Variants in LRP1B observed in about 807,000 individuals in gnomAD.
LRP1B encodes low-density lipoprotein receptor-related protein 1B.
LRP1B carries 217 observed loss-of-function variants against 556.6 expected under a neutral mutation model. The ratio of observed to expected loss-of-function variants is 0.39; its 90% CI spans 0.35 to 0.44. LRP1B has a LOEUF of 0.44. Ranked by LOEUF, LRP1B falls within the 20% of genes least tolerant of loss-of-function variation. The pLI is 1.00. For missense variants in LRP1B, 5,053 were observed against 5,620.8 expected (o/e 0.90, Z 3.23); for synonymous variants, 2,047 against 1,865.8 (o/e 1.10, Z -2.50).
chr2:140,845,296 T>A (rs1692241111), intron 29 of LRP1B, among the ~76,000 whole-genome samples: 1 of 152,152 alleles, frequency 6.6e-6, no homozygotes, highest in African/African-American at 2.4e-5. Flanking sequence ...CAGCTATTAT[T>A]TTATTGAATG....
intron 6 of LRP1B, among the ~76,000 whole-genome samples, chr2:141,220,029 A>G (rs780988204): frequency 2.0e-5 from 3 of 152,136 alleles, no homozygotes; most frequent in African/African-American, 2.4e-5. Flanking sequence ...TTCTCCTCCA[A>G]ATGATCACAA....
chr2:141,999,283 T>C (rs1702590993), intron 1 of LRP1B, among the ~76,000 whole-genome samples: 1 of 152,134 alleles, frequency 6.6e-6, no homozygotes, highest in Admixed American at 6.6e-5. Context: ...TTTGGGTTCA[T>C]TTTGGAATGC....
intron 41 of LRP1B, among the ~76,000 whole-genome samples, chr2:140,675,639 TG>T (rs1262541472): frequency 1.3e-5 from 2 of 152,066 alleles, no homozygotes; most frequent in Non-Finnish European, 2.9e-5. Context: ...AATAGCTGAT[TG>T]TGGTGGTGCT....
intron 45 of LRP1B, among the ~76,000 whole-genome samples, chr2:140,538,456 T>C (rs1378161937): frequency 6.6e-6 from 1 of 152,170 alleles, no homozygotes; most frequent in Non-Finnish European, 1.5e-5. Context: ...AGCTCCCAGT[T>C]ATAAATTAGA....
intron 2 of LRP1B, among the ~76,000 whole-genome samples, chr2:141,796,200 T>A (rs190239593): frequency 4.1e-4 from 62 of 152,124 alleles, no homozygotes; most frequent in African/African-American, 1.4e-3. Context: ...TATACTTTTA[T>A]TTCTATTTAT....
chr2:141,515,001 C>T (rs1452504114), intron 2 of LRP1B, among the ~76,000 whole-genome samples: 4 of 74,262 alleles, frequency 5.4e-5, no homozygotes, highest in Non-Finnish European at 1.5e-4. Flanking sequence ...AGGCCACCCA[C>T]CAGGATAAAG....
At chr2:142,100,013 A>G (rs935045612) in intron 1 of LRP1B, among the ~76,000 whole-genome samples, 1 of 151,962 alleles carries the variant, frequency 6.6e-6, no homozygotes, top group African/African-American at 2.4e-5. Flanking sequence ...TTTATATCAA[A>G]GAAATTGTTG....
At chr2:141,180,806 A>G (rs1471726160) in intron 7 of LRP1B, among the ~76,000 whole-genome samples, 1 of 151,992 alleles carries the variant, frequency 6.6e-6, no homozygotes, top group African/African-American at 2.4e-5. Context: ...AAGGAAATGG[A>G]GGAGATTTCT....
At chr2:140,273,493 T>TA (rs1342630604) in intron 85 of LRP1B, among the ~76,000 whole-genome samples, 2 of 152,036 alleles carry the variant, frequency 1.3e-5, no homozygotes, top group African/African-American at 4.8e-5. Context: ...ATTTAAATTC[T>TA]AAAATGAGAG....
chr2:140,920,014 A>G (rs867441248), intron 21 of LRP1B, among the ~76,000 whole-genome samples: 1 of 151,996 alleles, frequency 6.6e-6, no homozygotes, highest in African/African-American at 2.4e-5. Context: ...TTTTCTTTAC[A>G]CGAATTTCTA....
chr2:141,471,290 T>A (rs1559089542), intron 3 of LRP1B, among the ~76,000 whole-genome samples: 1 of 151,652 alleles, frequency 6.6e-6, no homozygotes, highest in African/African-American at 2.4e-5. Flanking sequence ...TTTTTTTTTT[T>A]TTTTACTCTC....
At chr2:140,960,755 A>G (rs1341469938) in intron 18 of LRP1B, among the ~76,000 whole-genome samples, 2 of 151,970 alleles carry the variant, frequency 1.3e-5, no homozygotes, top group East Asian at 3.9e-4. Context: ...CTAATATTTT[A>G]TTGAACTCCA....
intron 3 of LRP1B, among the ~76,000 whole-genome samples, chr2:141,320,035 G>A (rs980438489): frequency 1.6e-4 from 24 of 152,054 alleles, no homozygotes; most frequent in African/African-American, 5.3e-4. Context: ...TTGGCATGGA[G>A]CCTGAAATAC....
chr2:141,987,442 C>T (rs1316602078), intron 1 of LRP1B, among the ~76,000 whole-genome samples: 1 of 151,942 alleles, frequency 6.6e-6, no homozygotes, highest in Non-Finnish European at 1.5e-5. Flanking sequence ...CCTGTTCCTT[C>T]CCACTGCATT....
At chr2:141,974,447 G>A (rs868576835) in intron 1 of LRP1B, among the ~76,000 whole-genome samples, 25 of 152,120 alleles carry the variant, frequency 1.6e-4, no homozygotes, top group South Asian at 6.2e-4. Context: ...TACAGTATGC[G>A]TCACAGACCT....
intron 16 of LRP1B, among the ~76,000 whole-genome samples, 154 bp downstream of exon 16, chr2:140,993,841 T>C (rs1359908222): frequency 1.3e-5 from 2 of 152,062 alleles, no homozygotes; most frequent in Non-Finnish European, 2.9e-5. Context: ...AGGCAATCTA[T>C]GGTCTACTCT....
chr2:141,667,973 A>G (rs947252586), intron 2 of LRP1B, among the ~76,000 whole-genome samples: 1 of 152,190 alleles, frequency 6.6e-6, no homozygotes, highest in Non-Finnish European at 1.5e-5. Flanking sequence ...ATAATAATAC[A>G]TAACCAAGAG....
In LRP1B at chr2:141,188,644, AATAAC is replaced by A; in HGVS notation, c.851-66_851-62del. On this transcript the variant is annotated intron_variant, in intron 6 of 90. Transcript: ENST00000389484. The stretch of plus-strand genomic sequence containing the variant: ...GTGCAATCTAGCATCATGATCCAAA[AATAAC>A]ATAAGTGTTTCCAAACCATCATAGA... 6 of 1,446,768 alleles carry A rather than the reference AATAAC, an allele frequency of 4.1e-6. No individual in the cohort carries two copies. The South Asian group carries it at 7.1e-5, about 17-fold the overall frequency. 89.6% of individuals were successfully genotyped at this position (1,446,768 alleles called of 1,614,324 possible).
At chr2:141,469,230 T>C (rs1213000059) in intron 3 of LRP1B, among the ~76,000 whole-genome samples, 2 of 152,174 alleles carry the variant, frequency 1.3e-5, no homozygotes, top group Admixed American at 1.3e-4. Flanking sequence ...TCTCTGTATC[T>C]CCACAAGAGT....
Sources: allele counts gnomAD v4.1 joint callset (sites outside exome capture counted in the v4.1 genomes callset), GRCh38; gene constraint gnomAD v4.1.1; transcripts MANE v1.5; gene names NCBI Gene and HGNC (gene_info 2026-07-23, HGNC 2026-07-21).